The following MITF variants were observed in gnomAD, a reference collection of about 807,000 sequenced individuals.
The protein encoded by MITF is melanocyte inducing transcription factor.
A neutral mutation model predicts 60.5 loss-of-function variants in MITF; 17 were observed. The observed-to-expected ratio is 0.28, with a 90% CI of 0.19 to 0.42. MITF has a LOEUF of 0.42. MITF is among the 10% of genes least tolerant of loss of function. MITF has a pLI of 1.00. For synonymous variants in MITF, 260 were observed against 248.5 expected (o/e 1.05, Z -0.43); for missense variants, 622 against 683.5 (o/e 0.91, Z 1.00).
At chr3:69,830,202 C>G (rs2063423223) in intron 1 of MITF, among the ~76,000 whole-genome samples, 1 of 152,136 alleles carries the variant, frequency 6.6e-6, no homozygotes, top group Non-Finnish European at 1.5e-5. Flanking sequence ...GTCAAAGAAT[C>G]ACTGGTGTAC....
intron 1 of MITF, among the ~76,000 whole-genome samples, chr3:69,829,288 A>G (rs929276441): frequency 1.3e-5 from 2 of 152,176 alleles, no homozygotes; most frequent in African/African-American, 4.8e-5. Flanking sequence ...TTGATGAGGA[A>G]CCTGCATCAT....
Position 69,739,475 on chromosome 3 carries a change from A to G in MITF, c.-123A>G, listed in dbSNP as rs1703443577. On this transcript the variant is annotated 5_prime_UTR_variant, in exon 1 of 10. Transcript: ENST00000352241. ...TGGGGCGGGCGGCCGCGAGCCGGCG[A>G]GCGGGCAGAGCTCGGCACTGCGCCG... The G allele has an allele frequency of 3.8e-6, 3 of 793,576 alleles. No individual in the cohort carries two copies. Among genetic ancestry groups the G allele is most frequent in the Non-Finnish European group, 5.8e-6 (3 of 520,888 alleles). The allele number at this position is 793,576 out of a possible 1,614,324, so 49.2% of individuals were successfully genotyped here. A position where few individuals can be genotyped will look rare whatever the true frequency, so the allele number is the denominator to read the frequency against.
At chr3:69,787,065 G>A (rs2062661868) in intron 1 of MITF, among the ~76,000 whole-genome samples, 1 of 152,116 alleles carries the variant, frequency 6.6e-6, no homozygotes, top group Non-Finnish European at 1.5e-5. Flanking sequence ...ATTCTCTCCC[G>A]CATGTGGTGA....
chr3:69,803,946 A>AT (rs1356361555), intron 1 of MITF, among the ~76,000 whole-genome samples: 1 of 151,306 alleles, frequency 6.6e-6, no homozygotes, highest in Non-Finnish European at 1.5e-5. Context: ...TAGGCTGTTA[A>AT]TTTTTTTTTC....
intron 1 of MITF, among the ~76,000 whole-genome samples, chr3:69,859,577 G>A (rs1011233381): frequency 1.3e-5 from 2 of 151,986 alleles, no homozygotes; most frequent in African/African-American, 4.8e-5. Context: ...CTTAGCCAAG[G>A]TGGTCCATGG....
intron 2 of MITF, among the ~76,000 whole-genome samples, chr3:69,906,719 A>G (rs557309944): frequency 1.7e-4 from 26 of 152,230 alleles, no homozygotes; most frequent in Admixed American, 1.4e-3. Context: ...GGCCAATTAA[A>G]CCCTGGTAGA....
chr3:69,881,701 G>T (rs1365743106), intron 2 of MITF, among the ~76,000 whole-genome samples: 2 of 151,744 alleles, frequency 1.3e-5, no homozygotes, highest in South Asian at 2.1e-4. Context: ...GAAGTAAGTG[G>T]TTAATAGCAA....
chr3:69,951,701 G>C (rs1055970012), intron 6 of MITF, 111 bp from the exon 7 acceptor site: 1 of 798,098 alleles, frequency 1.3e-6, no homozygotes, highest in African/African-American at 1.7e-5. Flanking sequence ...TTTTTACTTA[G>C]AGTCAAGTCA....
intron 1 of MITF, among the ~76,000 whole-genome samples, chr3:69,819,475 G>A (rs1203946534): frequency 6.6e-6 from 1 of 152,174 alleles, no homozygotes; most frequent in Non-Finnish European, 1.5e-5. Context: ...AGAACAGATG[G>A]CCCGAAGTGT....
chr3:69,914,678 G>A (rs1234229632), intron 2 of MITF, among the ~76,000 whole-genome samples: 1 of 152,090 alleles, frequency 6.6e-6, no homozygotes, highest in Admixed American at 6.6e-5. Context: ...GTAAGTACTC[G>A]AGAAAGGGTG....
At chr3:69,919,756 AT>A (rs1287131764) in intron 2 of MITF, among the ~76,000 whole-genome samples, 1 of 152,154 alleles carries the variant, frequency 6.6e-6, no homozygotes, top group African/African-American at 2.4e-5. Flanking sequence ...TAAAAAATAG[AT>A]TGGAAAGAAA....
intron 1 of MITF, among the ~76,000 whole-genome samples, chr3:69,788,140 T>A (rs1362119105): frequency 6.6e-6 from 1 of 151,920 alleles, no homozygotes; most frequent in Non-Finnish European, 1.5e-5. Flanking sequence ...TTCTTTTTTT[T>A]TTTAATTATT....
chr3:69,959,751 G>A (rs746064856), intron 9 of MITF, among the ~76,000 whole-genome samples: 2 of 152,164 alleles, frequency 1.3e-5, no homozygotes, highest in African/African-American at 2.4e-5. Flanking sequence ...TGCTCCTTTC[G>A]TGGTCTGTTG....
chr3:69,740,508 C>T (rs1214949528), intron 1 of MITF, among the ~76,000 whole-genome samples: 1 of 152,154 alleles, frequency 6.6e-6, no homozygotes, highest in Non-Finnish European at 1.5e-5. Context: ...ATCCACTGCT[C>T]TGATGCCCCA....
rs530342719 is a variant in MITF, at chr3:69,866,321, C to T, written c.105-12813C>T. On this transcript the variant is annotated intron_variant, in intron 1 of 9. Coordinates refer to ENST00000352241, the MANE Select transcript of MITF (RefSeq NM_001354604.2). ...GGCGCTTAGAGTTCAGATGTTCATG[C>T]CATGCTCCTTTGAAAGCTTGTATCT... is the stretch of plus-strand genomic sequence containing the variant. 106 of 1,613,810 alleles carry T rather than the reference C, an allele frequency of 6.6e-5. 1 individual carries two copies. The South Asian group carries it at 8.6e-4, about 13-fold the overall frequency.
intron 2 of MITF, among the ~76,000 whole-genome samples, chr3:69,908,522 T>A (rs1423438859): frequency 6.6e-6 from 1 of 152,208 alleles, no homozygotes; most frequent in Non-Finnish European, 1.5e-5. Flanking sequence ...CTTAATGAAA[T>A]CATTATTCTT....
At chr3:69,848,544 T>C (rs1291949551) in intron 1 of MITF, among the ~76,000 whole-genome samples, 1 of 152,200 alleles carries the variant, frequency 6.6e-6, no homozygotes, top group Non-Finnish European at 1.5e-5. Flanking sequence ...AATAAATGAT[T>C]ACTGAAAACA....
At position 69,941,289 on chromosome 3, in the gene MITF, A is replaced by G; in HGVS notation, c.720A>G (p.Glu240=). 6.2e-7 allele frequency: 1 copy of G among 1,613,328 alleles called. No individual in the cohort carries two copies. Among genetic ancestry groups the G allele is most frequent in the Non-Finnish European group, 8.5e-7 (1 of 1,179,500 alleles). ...GCCTAGAATCAAGTTATAATGAGGA[A>G]ATCTTGGGCTTGATGGATCCTGCTT... The part of the protein sequence containing the change: ...IISLESSYNE[E]ILGLMDPALQ... Residue 240 remains glutamate (E), a synonymous_variant, in exon 5 of 10, where the codon GAA becomes GAG. Coordinates refer to ENST00000352241, the MANE Select transcript of MITF (RefSeq NM_001354604.2).
intron 5 of MITF, among the ~76,000 whole-genome samples, chr3:69,943,146 G>C (rs1360835339): frequency 6.9e-6 from 1 of 145,866 alleles, no homozygotes; most frequent in Non-Finnish European, 1.5e-5. Flanking sequence ...CTGGGCTCAA[G>C]TGATCTTCCT....
Sources: gnomAD v4.1 joint callset for allele counts (sites outside exome capture counted in the v4.1 genomes callset) on GRCh38, gnomAD v4.1.1 for gene constraint, MANE v1.5 for transcripts, NCBI Gene and HGNC (gene_info 2026-07-23, HGNC 2026-07-21) for gene names.